Variants in ANOS1 observed in about 807,000 individuals in gnomAD.
The protein encoded by ANOS1 is anosmin-1.
A neutral mutation model predicts 59.0 loss-of-function variants in ANOS1; 6 were observed. The observed-to-expected ratio is 0.10, with a 90% CI of 0.06 to 0.20. The LOEUF (loss-of-function observed/expected upper bound fraction) is 0.20. Among genes scored for constraint, ANOS1 ranks in the 10% least tolerant of loss-of-function variants. The pLI is 1.00. For synonymous variants in ANOS1, 217 were observed against 223.4 expected, an observed-to-expected ratio of 0.97 and a Z score of 0.25; for missense variants, 433 against 542.3, an observed-to-expected ratio of 0.80 and a Z score of 2.00.
intron 4 of ANOS1, among the ~76,000 whole-genome samples, chrX:8,594,691 TATATATACAC>T (rs1183816303): frequency 2.2e-4 from 12 of 54,396 alleles, no homozygotes; most frequent in African/African-American, 6.4e-4. Context: ...TATATATATA[TATATATACAC>T]ATATATATAC....
intron 2 of ANOS1, among the ~76,000 whole-genome samples, chrX:8,685,280 C>T (rs1358320357): frequency 9.1e-6 from 1 of 110,074 alleles, no homozygotes; most frequent in Non-Finnish European, 1.9e-5. Context: ...AACACAGTAT[C>T]GACAGAGTGG....
At chrX:8,711,646 C>T (rs73199071) in intron 1 of ANOS1, among the ~76,000 whole-genome samples, 5,889 of 112,435 alleles carry the variant, frequency 0.052, 161 homozygotes, top group African/African-American at 0.1. Flanking sequence ...GAGTGACTTT[C>T]AATAACGTAG....
In ANOS1 at chrX:8,583,370, T is replaced by C. The variant is rs73472364; in HGVS notation, c.856+1897A>G. Among the ~76,000 whole-genome samples the C allele has an allele frequency of 8.3e-3, 926 of 111,914 alleles. 7 individuals carry two copies. The highest frequency in any genetic ancestry group is 0.029 in the African/African-American group (882 of 30,800). On this transcript the variant is annotated intron_variant, in intron 6 of 13. Transcript: ENST00000262648. ...TGCACAAGTCAGTAAATACTAAAAA[T>C]CACTCAACTGTACACTTAAAATAAG...
chrX:8,570,538 A>G lies in ANOS1; in HGVS notation c.1023T>C (p.Leu341=). 1.7e-6 allele frequency: 2 copies of G among 1,211,408 alleles called. No homozygotes were observed. The highest frequency in any genetic ancestry group is 2.2e-6 in the Non-Finnish European group (2 of 895,091). ...TTCTCCGCTTCTTCTTTGTTGGGAC[A>G]AGAGACTTACTGCTGACCATCCAGC... is the stretch of plus-strand genomic sequence containing the variant. The part of the protein sequence containing the change: ...FWSWMVSSKS[L]VPTKKKRRKT... The change falls in exon 7 of 14, where the codon CTT becomes CTC. Residue 341 remains leucine (L), a synonymous_variant. Transcript: ENST00000262648.
intron 1 of ANOS1, among the ~76,000 whole-genome samples, chrX:8,715,755 C>T (rs924125345): frequency 9.0e-6 from 1 of 110,871 alleles, no homozygotes; most frequent in East Asian, 2.8e-4. Flanking sequence ...ACTGGGGATC[C>T]AGGGTTACAT....
Position 8,611,316 on chromosome X carries a change from A to AG in ANOS1, c.318+12291dup, listed in dbSNP as rs1931053400. Among the ~76,000 whole-genome samples the AG allele has an allele frequency of 3.5e-5, 3 of 85,627 alleles. No homozygotes were observed. The Admixed American group carries it at 3.8e-4, about 11-fold the overall frequency. 74.4% of individuals were successfully genotyped at this position (85,627 alleles called of 115,157 possible). A position where few individuals can be genotyped will look rare whatever the true frequency, so the allele number is the denominator to read the frequency against. ...AAGCAGAGGGTGGGAAATGACCAAAAGGAAAAAAAAAAGATCATAGACTCA... is the reference window on the plus strand; with the variant it reads ...AAGCAGAGGGTGGGAAATGACCAAAAGGGAAAAAAAAAAGATCATAGACTCA... On this transcript the variant is annotated intron_variant, in intron 3 of 13. Coordinates refer to ENST00000262648, the MANE Select transcript of ANOS1 (RefSeq NM_000216.4).
chrX:8,618,820 C>T (rs190497412), intron 3 of ANOS1, among the ~76,000 whole-genome samples: 326 of 110,221 alleles, frequency 3.0e-3, no homozygotes, highest in African/African-American at 0.01. Context: ...GCCTGTAATC[C>T]CAGCATTTTG....
rs1287806402 is a variant in ANOS1, at chrX:8,610,033, A to AAAAAAAAAAAC, written c.319-12778_319-12777insGTTTTTTTTTT. On this transcript the variant is annotated intron_variant, in intron 3 of 13. Transcript: ENST00000262648. ...AAAAAAAAAAAAAAAAAAAAAAAAA[A>AAAAAAAAAAAC]AACAACAACCTTTAAAGAGCACCCA... 8.5e-5 allele frequency among the ~76,000 whole-genome samples: 7 copies of AAAAAAAAAAAC among 82,705 alleles called. 1 individual carries two copies. The highest frequency in any genetic ancestry group is 3.4e-4 in the African/African-American group (7 of 20,391). The allele number at this position is 82,705 out of a possible 115,157, so 71.8% of individuals were successfully genotyped here. A position where few individuals can be genotyped will look rare whatever the true frequency, so the allele number is the denominator to read the frequency against.
At chrX:8,560,486 AC>A (rs1315414626) in intron 8 of ANOS1, among the ~76,000 whole-genome samples, 3 of 111,801 alleles carry the variant, frequency 2.7e-5, no homozygotes, top group Non-Finnish European at 5.6e-5. Flanking sequence ...TTACTGTTGT[AC>A]CCCCCAAACA....
chrX:8,537,300 C>T (rs951421103), intron 10 of ANOS1, among the ~76,000 whole-genome samples: 5 of 111,676 alleles, frequency 4.5e-5, no homozygotes, highest in African/African-American at 1.6e-4. Context: ...AAAACTAACG[C>T]AGGCTTCTCT....
At chrX:8,721,013 T>C (rs1451711771) in intron 1 of ANOS1, among the ~76,000 whole-genome samples, 3 of 112,013 alleles carry the variant, frequency 2.7e-5, no homozygotes, top group Non-Finnish European at 5.6e-5. Context: ...CAATCTAAGA[T>C]ACCTGAAAGA....
intron 2 of ANOS1, among the ~76,000 whole-genome samples, chrX:8,646,573 T>C (rs750465847): frequency 6.3e-5 from 7 of 111,042 alleles, no homozygotes; most frequent in Non-Finnish European, 1.1e-4. Context: ...ATTACAATTA[T>C]AAGTAAAGGC....
intron 2 of ANOS1, among the ~76,000 whole-genome samples, chrX:8,695,843 C>G (rs1932678020): frequency 1.8e-5 from 2 of 111,088 alleles, no homozygotes; most frequent in South Asian, 7.6e-4. Context: ...GCTTTTAATT[C>G]CACCGGAACT....
intron 3 of ANOS1, among the ~76,000 whole-genome samples, chrX:8,617,253 G>T (rs1425833670): frequency 1.8e-5 from 2 of 112,220 alleles, no homozygotes; most frequent in African/African-American, 3.2e-5. Flanking sequence ...TACAGGTTCT[G>T]TTCCAATCCC....
chrX:8,704,169 C>T (rs773231328), intron 1 of ANOS1, among the ~76,000 whole-genome samples: 19 of 111,924 alleles, frequency 1.7e-4, no homozygotes, highest in African/African-American at 5.8e-4. Context: ...GATTGTGAGG[C>T]CTCCCCAGCC....
intron 5 of ANOS1, among the ~76,000 whole-genome samples, chrX:8,585,939 T>A (rs192908165): frequency 1.8e-5 from 2 of 111,938 alleles, no homozygotes. Context: ...TGAGATGTGT[T>A]AGCATATATT....
At chrX:8,551,533 G>A (rs1330622357) in intron 9 of ANOS1, among the ~76,000 whole-genome samples, 2 of 109,354 alleles carry the variant, frequency 1.8e-5, no homozygotes, top group African/African-American at 6.7e-5. Context: ...CAGCTACTCT[G>A]GAGGCTAAGA....
intron 2 of ANOS1, among the ~76,000 whole-genome samples, chrX:8,679,069 T>C (rs1030795563): frequency 9.0e-6 from 1 of 111,206 alleles, no homozygotes; most frequent in Non-Finnish European, 1.9e-5. Context: ...CAACTTTAAT[T>C]ACAAAACAGA....
At position 8,653,121 on chromosome X, in the gene ANOS1, G is replaced by A. The variant is rs142897838; in HGVS notation, c.256-29451C>T. Reference sequence around the variant, plus strand: ...TCCACCCGCCTCAACCTCCCAAAATGCTGGTATTATAGGCATGAGCCACTG... The same window carrying A: ...TCCACCCGCCTCAACCTCCCAAAATACTGGTATTATAGGCATGAGCCACTG... On this transcript the variant is annotated intron_variant, in intron 2 of 13. Transcript: ENST00000262648. 9.9e-3 allele frequency among the ~76,000 whole-genome samples: 1,105 copies of A among 111,302 alleles called. 7 individuals are homozygous for A. The highest frequency in any genetic ancestry group is 0.013 in the Non-Finnish European group (716 of 53,066).
Sources: gnomAD v4.1 joint callset for allele counts (sites outside exome capture counted in the v4.1 genomes callset) on GRCh38, gnomAD v4.1.1 for gene constraint, MANE v1.5 for transcripts, NCBI Gene and HGNC (gene_info 2026-07-23, HGNC 2026-07-21) for gene names.